Variants in IRAK1BP1 observed in about 807,000 individuals in gnomAD.
IRAK1BP1 encodes interleukin-1 receptor-associated kinase 1-binding protein 1.
IRAK1BP1 carries 24 observed loss-of-function variants against 28.0 expected under a neutral mutation model. The observed-to-expected ratio is 0.86, with a 90% CI of 0.62 to 1.20. The LOEUF is 1.20. IRAK1BP1 is among the 50% of genes most tolerant of loss of function. The pLI is 0.00. For synonymous variants in IRAK1BP1, 131 were observed against 116.3 expected (o/e 1.13, Z -0.81); for missense variants, 336 against 316.7 (o/e 1.06, Z -0.46).
chr6:78,897,925 T>G lies in IRAK1BP1; in HGVS notation c.478T>G (p.Phe160Val). The G allele has an allele frequency of 1.2e-6, 2 of 1,614,034 alleles. No individual in the cohort carries two copies. Among genetic ancestry groups the G allele is most frequent in the Non-Finnish European group, 1.7e-6 (2 of 1,179,946 alleles). ...CTCTGTTGTCATCAGCCCACCCCAG[T>G]TCTATCATACTCCAGGTTCTGTTGA... ...DSSVVISPPQ[F>V]YHTPGSVENL... Residue 160 changes from phenylalanine (F) to valine (V), a missense_variant, in exon 3 of 4, where the codon TTC becomes GTC. Physicochemically the swap from Phe to Val is conservative, Grantham distance 50. Transcript: ENST00000369940.
At chr6:78,953,408 G>A in the IRAK1BP1 span, among the ~76,000 whole-genome samples, 1 of 152,086 alleles carries the variant, frequency 6.6e-6, no homozygotes, top group African/African-American at 2.4e-5. Context: ...GCAAAGCCCA[G>A]AATACAAACG....
chr6:78,940,877 C>G, intron 4 of IRAK1BP1: 2 of 1,613,864 alleles, frequency 1.2e-6, no homozygotes, highest in African/African-American at 1.3e-5. Flanking sequence ...GGGTTCAGAG[C>G]CTTTGAGTTC....
chr6:78,967,987 A>AC, the IRAK1BP1 span, among the ~76,000 whole-genome samples: 2 of 151,932 alleles, frequency 1.3e-5, no homozygotes, highest in Non-Finnish European at 2.9e-5. Flanking sequence ...ACAAAAAAAA[A>AC]ATTAGCCAGG....
chr6:78,948,993 T>C (rs965478344), downstream of IRAK1BP1, among the ~76,000 whole-genome samples: 1 of 152,206 alleles, frequency 6.6e-6, no homozygotes, highest in African/African-American at 2.4e-5. Flanking sequence ...TCTTGCCTTA[T>C]TGCATTGGCT....
At chr6:78,978,811 G>C in the IRAK1BP1 span, 1 of 950,446 alleles carries the variant, frequency 1.1e-6, no homozygotes, top group Non-Finnish European at 1.5e-6. Flanking sequence ...AAATAAAAGG[G>C]GAAGGGCACC....
At chr6:78,954,922 A>C in the IRAK1BP1 span, 8 of 1,583,914 alleles carry the variant, frequency 5.1e-6, no homozygotes, top group East Asian at 1.6e-4. Flanking sequence ...GAATATCGTA[A>C]GACTGGGCTC....
At chr6:78,924,558 C>A (rs1407374977) in intron 4 of IRAK1BP1, among the ~76,000 whole-genome samples, 2 of 152,192 alleles carry the variant, frequency 1.3e-5, no homozygotes, top group Non-Finnish European at 2.9e-5. Context: ...TCCTCCCTAA[C>A]TCATTTTATG....
intron 2 of IRAK1BP1, among the ~76,000 whole-genome samples, chr6:78,886,962 T>C (rs1203634304): frequency 6.6e-6 from 1 of 152,186 alleles, no homozygotes; most frequent in Non-Finnish European, 1.5e-5. Flanking sequence ...CACAGTCCAA[T>C]ACATGATTGC....
At position 78,899,253 on chromosome 6, in the gene IRAK1BP1, T is replaced by G. The variant is rs1398476494; in HGVS notation, c.*919T>G. 1.3e-5 allele frequency: 2 copies of G among 152,218 alleles called. No homozygotes were observed. Among genetic ancestry groups the G allele is most frequent in the Non-Finnish European group, 2.9e-5 (2 of 68,052 alleles). The allele number at this position is 152,218 out of a possible 1,614,324, so 9.4% of individuals were successfully genotyped here. A position where few individuals can be genotyped will look rare whatever the true frequency, so the allele number is the denominator to read the frequency against. ...GGTAAAGAACAGCCAAGGTCTTTCA[T>G]GCTTGCCACACCCAGCAATATGTTT... On this transcript the variant is annotated 3_prime_UTR_variant, in exon 4 of 4. Coordinates refer to ENST00000369940, the MANE Select transcript of IRAK1BP1 (RefSeq NM_001010844.4).
intron 2 of IRAK1BP1, among the ~76,000 whole-genome samples, chr6:78,891,940 ATTT>A (rs1771679527): frequency 1.3e-5 from 2 of 151,780 alleles, no homozygotes; most frequent in African/African-American, 4.8e-5. Context: ...TTTTTTATTT[ATTT>A]TTATTGTGAA....
In IRAK1BP1 at chr6:78,928,865, T is replaced by G. The variant is rs118148964; in HGVS notation, c.*68-16543T>G. Among the ~76,000 whole-genome samples the G allele has an allele frequency of 1.8e-4, 28 of 152,348 alleles. No individual in the cohort carries two copies. The East Asian group carries it at 5.4e-3, about 29-fold the overall frequency. On this transcript the variant is annotated intron_variant and NMD_transcript_variant, in intron 4 of 4. Coordinates refer to the IRAK1BP1 transcript ENST00000606868. ...CTTCCATCCCAGGGACAAATTCCAC[T>G]TGGTCATAATGAATGATCTTTTTCA...
At chr6:78,895,676 A>G in intron 2 of IRAK1BP1, among the ~76,000 whole-genome samples, 1 of 152,212 alleles carries the variant, frequency 6.6e-6, no homozygotes. Flanking sequence ...AGAAGCACTT[A>G]ACAAAGTCCA....
chr6:78,939,349 G>C (rs1773383731), intron 4 of IRAK1BP1: 2 of 151,628 alleles, frequency 1.3e-5, no homozygotes, highest in South Asian at 4.1e-4. Flanking sequence ...ATACCAGCAT[G>C]ATAAGGATAC....
chr6:78,963,272 C>A, the IRAK1BP1 span: 1 of 1,585,330 alleles, frequency 6.3e-7, no homozygotes, highest in African/African-American at 1.4e-5. Flanking sequence ...AAAAGCAGAT[C>A]ATTGCAAATA....
the IRAK1BP1 span, among the ~76,000 whole-genome samples, chr6:78,979,041 A>G: frequency 6.6e-6 from 1 of 152,150 alleles, no homozygotes; most frequent in East Asian, 1.9e-4. Flanking sequence ...AATGACTTAA[A>G]GTATATAGGA....
chr6:78,924,041 TAGC>T (rs1489634297), intron 4 of IRAK1BP1, among the ~76,000 whole-genome samples: 1 of 152,026 alleles, frequency 6.6e-6, no homozygotes, highest in East Asian at 1.9e-4. Context: ...ATTCAAAAGC[TAGC>T]AGAAGGCAAG....
the IRAK1BP1 span, chr6:78,961,962 A>G: frequency 1.7e-6 from 1 of 605,910 alleles, no homozygotes; most frequent in Non-Finnish European, 2.9e-6. Context: ...TAGCTGACAT[A>G]AAGAGTCTCA....
Position 78,885,454 on chromosome 6 carries a change from A to ATCTT in IRAK1BP1, c.381+11_381+12insTCTT, listed in dbSNP as rs1554187991. 17 of 1,400,094 alleles carry ATCTT rather than the reference A, an allele frequency of 1.2e-5. 1 individual carries two copies. The South Asian group carries it at 2.0e-4, about 17-fold the overall frequency. 86.7% of individuals were successfully genotyped at this position (1,400,094 alleles called of 1,614,324 possible). On this transcript the variant is annotated intron_variant, in intron 2 of 3. Coordinates refer to ENST00000369940, the MANE Select transcript of IRAK1BP1 (RefSeq NM_001010844.4). Reference sequence around the variant, plus strand: ...CACATGGAAGCAGAGGTATGTACTTAACAAATAATTGGAAGCAGCATGATT... The same window carrying ATCTT: ...CACATGGAAGCAGAGGTATGTACTTATCTTACAAATAATTGGAAGCAGCATGATT...
chr6:78,955,109 G>T, the IRAK1BP1 span: 12 of 881,852 alleles, frequency 1.4e-5, no homozygotes, highest in Middle Eastern at 9.7e-4. Context: ...CATACATTTT[G>T]TAATTGAAAC....
Sources: allele counts gnomAD v4.1 joint callset (sites outside exome capture counted in the v4.1 genomes callset), GRCh38; gene constraint gnomAD v4.1.1; transcripts MANE v1.5; gene names NCBI Gene and HGNC (gene_info 2026-07-23, HGNC 2026-07-21).